The following ZNF469 variants were observed in gnomAD, a reference collection of about 807,000 sequenced individuals.
ZNF469 encodes zinc finger protein 469.
Under a neutral mutation model 1.0 loss-of-function variants are expected in ZNF469, and 1 was observed. The ratio of observed to expected loss-of-function variants is 1.00; its 90% CI spans 0.35 to 4.73. The LOEUF is 4.73. ZNF469 is among the 30% of genes most tolerant of loss of function. ZNF469 has a pLI of 0.16. For synonymous variants in ZNF469, 2,703 were observed against 2,363.4 expected, an observed-to-expected ratio of 1.14 and a Z score of -4.17; for missense variants, 6,100 against 5,356.3, an observed-to-expected ratio of 1.14 and a Z score of -4.33.
chr16:88,202,825 A>G, the ZNF469 span, among the ~76,000 whole-genome samples: 38 of 152,292 alleles, frequency 2.5e-4, no homozygotes, highest in Middle Eastern at 3.4e-3. Context: ...CCGGGGGTCA[A>G]GAGCACCAGA....
the ZNF469 span, among the ~76,000 whole-genome samples, chr16:88,334,548 C>G: frequency 2.6e-5 from 4 of 152,174 alleles, no homozygotes; most frequent in African/African-American, 4.8e-5. Context: ...AGGGTGTGCA[C>G]ACATCACAGA....
At chr16:88,203,465 G>A in the ZNF469 span, among the ~76,000 whole-genome samples, 2 of 152,184 alleles carry the variant, frequency 1.3e-5, no homozygotes, top group African/African-American at 4.8e-5. Flanking sequence ...TCCCGGAGCT[G>A]CGGCATCAAA....
chr16:88,200,493 C>T, the ZNF469 span, among the ~76,000 whole-genome samples: 7 of 152,238 alleles, frequency 4.6e-5, no homozygotes, highest in African/African-American at 1.2e-4. Flanking sequence ...CCAGCCCCTA[C>T]GGTCTCTCCG....
the ZNF469 span, among the ~76,000 whole-genome samples, chr16:88,185,431 AAC>A: frequency 1.3e-5 from 2 of 152,198 alleles, no homozygotes; most frequent in African/African-American, 4.8e-5. Context: ...ATACAATAGA[AAC>A]ACATGCATAC....
the ZNF469 span, among the ~76,000 whole-genome samples, chr16:88,108,101 G>A: frequency 1.2e-4 from 18 of 144,282 alleles, no homozygotes; most frequent in African/African-American, 1.6e-4. Context: ...ACATTTGCAC[G>A]TCTGTGGGGA....
In ZNF469 at chr16:88,430,280, A is replaced by T. The variant is rs550198026; in HGVS notation, c.2810A>T (p.Asp937Val). 9.4e-5 allele frequency: 142 copies of T among 1,515,002 alleles called. 1 individual carries two copies. The South Asian group carries it at 1.7e-3, about 18-fold the overall frequency. The allele number at this position is 1,515,002 out of a possible 1,614,324, so 93.8% of individuals were successfully genotyped here. A position where few individuals can be genotyped will look rare whatever the true frequency, so the allele number is the denominator to read the frequency against. Residue 937 changes from aspartate (D) to valine (V), a missense_variant, in exon 3 of 3, where the codon GAT becomes GTT. Asp to Val is a radical substitution (Grantham distance 152, BLOSUM62 -3). Transcript: ENST00000565624. ...CTGGGTCTGGCCCCCACCGAGGCGGATGCGCCCAGCCAGGGCAGGCAGCAG... is the reference window on the plus strand; with the variant it reads ...CTGGGTCTGGCCCCCACCGAGGCGGTTGCGCCCAGCCAGGGCAGGCAGCAG... ...RSLGLAPTEADAPSQGRQQRR... is the reference protein window; with the variant it reads ...RSLGLAPTEAVAPSQGRQQRR...
chr16:88,357,592 G>C, the ZNF469 span, among the ~76,000 whole-genome samples: 1 of 152,346 alleles, frequency 6.6e-6, no homozygotes, highest in Admixed American at 6.5e-5. Flanking sequence ...GCGGGGGCCT[G>C]GGCAGGGAGG....
At chr16:88,198,852 A>T in the ZNF469 span, among the ~76,000 whole-genome samples, 1 of 152,220 alleles carries the variant, frequency 6.6e-6, no homozygotes, top group South Asian at 2.1e-4. Flanking sequence ...GCACAAATGC[A>T]GCAGACGTGA....
the ZNF469 span, among the ~76,000 whole-genome samples, chr16:88,269,787 G>A: frequency 2.6e-5 from 4 of 152,288 alleles, no homozygotes; most frequent in African/African-American, 7.2e-5. Context: ...TATTCCATGA[G>A]TTACAACCTC....
rs886052416 is a variant in ZNF469 at position 88,436,644 on chromosome 16, G to A, written c.9174G>A (p.Leu3058=). The A allele has an allele frequency of 1.3e-6, 2 of 1,550,260 alleles. No homozygotes were observed. The highest frequency in any genetic ancestry group is 2.0e-5 in the Admixed American group (1 of 50,994). Residue 3058 remains leucine (L), a synonymous_variant, in exon 3 of 3, where the codon CTG becomes CTA. Transcript: ENST00000565624. ...VLSTKFEMQD[L]CFLGPFEDPV... The stretch of plus-strand genomic sequence containing the variant: ...GCACCAAGTTTGAGATGCAAGACCT[G>A]TGCTTTCTGGGACCCTTTGAAGACC...
chr16:88,309,333 G>T, the ZNF469 span, among the ~76,000 whole-genome samples: 1 of 152,242 alleles, frequency 6.6e-6, no homozygotes, highest in Non-Finnish European at 1.5e-5. Context: ...GCCAGGAGGA[G>T]CACAGTGTTC....
the ZNF469 span, among the ~76,000 whole-genome samples, chr16:88,128,220 C>G: frequency 6.6e-6 from 1 of 151,048 alleles, no homozygotes; most frequent in African/African-American, 2.4e-5. Flanking sequence ...GGGTTGAGCC[C>G]CTGAGGGCCA....
the ZNF469 span, among the ~76,000 whole-genome samples, chr16:88,310,023 C>T: frequency 2.6e-5 from 4 of 152,264 alleles, no homozygotes; most frequent in African/African-American, 9.6e-5. Context: ...ATCAGAAGAG[C>T]AATAACAGGT....
the ZNF469 span, among the ~76,000 whole-genome samples, chr16:88,198,486 T>C: frequency 3.9e-5 from 6 of 152,254 alleles, no homozygotes; most frequent in Non-Finnish European, 8.8e-5. Flanking sequence ...GAGTCACACG[T>C]GACTGTCGAG....
At chr16:88,197,309 C>T in the ZNF469 span, among the ~76,000 whole-genome samples, 4 of 152,284 alleles carry the variant, frequency 2.6e-5, no homozygotes, top group East Asian at 7.7e-4. Flanking sequence ...TTTGTACAGA[C>T]ACAGAGGAGG....
At chr16:88,284,267 G>T in the ZNF469 span, among the ~76,000 whole-genome samples, 3 of 152,188 alleles carry the variant, frequency 2.0e-5, no homozygotes, top group Non-Finnish European at 2.9e-5. Flanking sequence ...GGCTCAGTTT[G>T]CTGACAGAGC....
chr16:88,415,641 G>T (rs931760968), intron 1 of ZNF469, among the ~76,000 whole-genome samples: 1 of 152,200 alleles, frequency 6.6e-6, no homozygotes, highest in African/African-American at 2.4e-5. Flanking sequence ...AGGAGGACAC[G>T]GACCCAGCCT....
At chr16:88,289,867 G>A in the ZNF469 span, among the ~76,000 whole-genome samples, 1 of 152,204 alleles carries the variant, frequency 6.6e-6, no homozygotes, top group South Asian at 2.1e-4. Context: ...TGTGGAGTGA[G>A]GAGGGAATCC....
the ZNF469 span, among the ~76,000 whole-genome samples, chr16:88,224,659 G>T: frequency 6.6e-6 from 1 of 152,208 alleles, no homozygotes; most frequent in Non-Finnish European, 1.5e-5. Flanking sequence ...GGCTCGCAGG[G>T]TCGGAGCCCG....
Sources: gnomAD v4.1 joint callset for allele counts (sites outside exome capture counted in the v4.1 genomes callset) on GRCh38, gnomAD v4.1.1 for gene constraint, MANE v1.5 for transcripts, NCBI Gene and HGNC (gene_info 2026-07-23, HGNC 2026-07-21) for gene names.